The following MYZAP variants were observed in gnomAD, a reference collection of about 807,000 sequenced individuals.
MYZAP encodes the protein GRINL1A complex locus upstream.
MYZAP carries 66 observed loss-of-function variants against 69.4 expected under a neutral mutation model. The ratio of observed to expected loss-of-function variants is 0.95; its 90% CI spans 0.78 to 1.17. The LOEUF is 1.17. MYZAP is among the 50% of genes most tolerant of loss of function. The pLI is 0.00. For missense variants in MYZAP, 611 were observed against 556.2 expected (o/e 1.10, Z -0.99); for synonymous variants, 256 against 205.9 (o/e 1.24, Z -2.09).
At chr15:57,601,221 G>A (rs1413723914) in intron 1 of MYZAP, among the ~76,000 whole-genome samples, 37 of 152,132 alleles carry the variant, frequency 2.4e-4, no homozygotes, top group African/African-American at 8.9e-4. Context: ...GTAGATGTTG[G>A]AGCCTGTGTA....
intron 2 of MYZAP, among the ~76,000 whole-genome samples, chr15:57,606,064 T>C (rs982730533): frequency 1.2e-4 from 18 of 152,244 alleles, no homozygotes; most frequent in African/African-American, 4.3e-4. Flanking sequence ...ATCTTTGTTT[T>C]GTAACCTCCA....
chr15:57,595,392 A>G (rs543414273), intron 1 of MYZAP, among the ~76,000 whole-genome samples: 37 of 152,324 alleles, frequency 2.4e-4, no homozygotes, highest in African/African-American at 8.9e-4. Context: ...CCAGAAGATG[A>G]CCTTGGGGAA....
intron 10 of MYZAP, chr15:57,648,279 G>A: frequency 1.0e-6 from 1 of 985,250 alleles, no homozygotes; most frequent in Non-Finnish European, 1.2e-6. Context: ...AATATAAATT[G>A]TCTTTTCAAG....
intron 1 of MYZAP, among the ~76,000 whole-genome samples, chr15:57,597,184 C>T (rs975891018): frequency 4.6e-5 from 7 of 152,158 alleles, no homozygotes; most frequent in Admixed American, 1.3e-4. Flanking sequence ...GGGAAGTCCT[C>T]CAAATATTCG....
At position 57,621,779 on chromosome 15, in the gene MYZAP, GAT is replaced by G. The variant is rs2035836343; in HGVS notation, c.411+82_411+83del. On this transcript the variant is annotated intron_variant, in intron 4 of 12. Coordinates refer to ENST00000267853, the MANE Select transcript of MYZAP (RefSeq NM_001018100.5). ...GGTCCCTCAGTGGCTAGTGCCTAAA[GAT>G]ATTAGAGTATCTAGTGTTCTTTATC... is the stretch of plus-strand genomic sequence containing the variant. The G allele has an allele frequency of 3.8e-6, 5 of 1,315,696 alleles. No individual in the cohort carries two copies. In the East Asian group the frequency reaches 1.2e-4, roughly 31 times the overall value. 81.5% of individuals were successfully genotyped at this position (1,315,696 alleles called of 1,614,324 possible).
rs756690562 is a variant in MYZAP at position 57,639,480 on chromosome 15, C to T, written c.1054C>T (p.Arg352Trp). The stretch of plus-strand genomic sequence containing the variant: ...GGAGGCATCAGCCAGCCTCCGTGAG[C>T]GGATCAGACACCTAGATGACATGGT... ...LEEASASLRE[R>W]IRHLDDMVHC... Residue 352 changes from arginine (R) to tryptophan (W), a missense_variant, in exon 10 of 13, where the codon CGG becomes TGG. Physicochemically the swap from Arg to Trp is moderately radical, Grantham distance 101 (BLOSUM62 -3). Coordinates refer to ENST00000267853, the MANE Select transcript of MYZAP (RefSeq NM_001018100.5). 49 of 1,613,926 alleles carry T rather than the reference C, an allele frequency of 3.0e-5. 1 individual carries two copies. The highest frequency in any genetic ancestry group is 2.3e-4 in the Admixed American group (14 of 60,010).
intron 5 of MYZAP, 90 bp downstream of exon 5, chr15:57,625,982 C>T (rs1026753015): frequency 3.6e-6 from 4 of 1,116,324 alleles, no homozygotes; most frequent in South Asian, 1.3e-5. Flanking sequence ...CACAGAACAT[C>T]CTTAGCTCAT....
At position 57,626,059 on chromosome 15, in the gene MYZAP, G is replaced by T. The variant is rs140358728; in HGVS notation, c.525+167G>T. Reference sequence around the variant, plus strand: ...CCAGAAGACAGTGTAGGAAACTGAAGGAAGCATTTCCAAGCTGAGACTCTA... The same window carrying T: ...CCAGAAGACAGTGTAGGAAACTGAATGAAGCATTTCCAAGCTGAGACTCTA... On this transcript the variant is annotated intron_variant, in intron 5 of 12. Transcript: ENST00000267853. 2.2e-3 allele frequency among the ~76,000 whole-genome samples: 332 copies of T among 152,332 alleles called. 5 individuals are homozygous for T. Among genetic ancestry groups the T allele is most frequent in the Admixed American group, 0.019 (286 of 15,298 alleles).
intron 4 of MYZAP, among the ~76,000 whole-genome samples, chr15:57,623,487 T>C (rs142740967): frequency 0.015 from 2,258 of 152,088 alleles, 30 homozygotes; most frequent in South Asian, 0.045. Flanking sequence ...GATCACAGCA[T>C]TTTGGGAGGC....
At chr15:57,651,265 G>T (rs2037712322) in intron 10 of MYZAP, among the ~76,000 whole-genome samples, 1 of 152,184 alleles carries the variant, frequency 6.6e-6, no homozygotes, top group Admixed American at 6.5e-5. Context: ...ACATGAATTT[G>T]AAGCAGTTCA....
At chr15:57,661,028 C>G (rs1213832796) in intron 10 of MYZAP, among the ~76,000 whole-genome samples, 11 of 152,146 alleles carry the variant, frequency 7.2e-5, no homozygotes, top group Non-Finnish European at 1.3e-4. Flanking sequence ...GAAATGCAGG[C>G]TGCCCTGCAA....
At chr15:57,600,350 GCGC>G (rs2140323101) in intron 1 of MYZAP, among the ~76,000 whole-genome samples, 1 of 152,312 alleles carries the variant, frequency 6.6e-6, no homozygotes, top group South Asian at 2.1e-4. Context: ...GTAGCCTCAA[GCGC>G]CTGCTGCAAC....
intron 1 of MYZAP, among the ~76,000 whole-genome samples, chr15:57,598,966 C>T (rs2064018951): frequency 6.6e-6 from 1 of 152,160 alleles, no homozygotes; most frequent in South Asian, 2.1e-4. Context: ...CCCATATATT[C>T]CCACCTCCCA....
intron 2 of MYZAP, among the ~76,000 whole-genome samples, chr15:57,606,023 T>C (rs2034723588): frequency 6.6e-6 from 1 of 152,202 alleles, no homozygotes; most frequent in Non-Finnish European, 1.5e-5. Context: ...CTCCCTTTTT[T>C]TTATAGAACA....
chr15:57,666,787 C>A (rs1438978639), intron 11 of MYZAP, among the ~76,000 whole-genome samples: 1 of 152,196 alleles, frequency 6.6e-6, no homozygotes, highest in Non-Finnish European at 1.5e-5. Context: ...ATACCTTTGT[C>A]ACCAACCTGC....
At chr15:57,628,335 A>G (rs756057640) in intron 5 of MYZAP, among the ~76,000 whole-genome samples, 1 of 152,012 alleles carries the variant, frequency 6.6e-6, no homozygotes, top group Non-Finnish European at 1.5e-5. Context: ...CAGCAGTGTG[A>G]TATAGTTCAC....
intron 10 of MYZAP, among the ~76,000 whole-genome samples, chr15:57,642,985 A>T (rs1467793394): frequency 6.6e-6 from 1 of 152,134 alleles, no homozygotes; most frequent in Non-Finnish European, 1.5e-5. Context: ...TGAAATGTGG[A>T]ACCAAGTCCC....
At chr15:57,615,770 A>C (rs1158797934) in intron 2 of MYZAP, among the ~76,000 whole-genome samples, 2 of 152,152 alleles carry the variant, frequency 1.3e-5, no homozygotes, top group Non-Finnish European at 2.9e-5. Flanking sequence ...CTTAAGCACA[A>C]ATGTAAGGAT....
intron 3 of MYZAP, 99 bp downstream of exon 3, chr15:57,618,287 T>G (rs2035603689): frequency 5.3e-6 from 8 of 1,499,082 alleles, no homozygotes; most frequent in Non-Finnish European, 6.2e-6. Context: ...TAAGGCATTT[T>G]GAAAGAATTC....
Sources: gnomAD v4.1 joint callset for allele counts (sites outside exome capture counted in the v4.1 genomes callset) on GRCh38, gnomAD v4.1.1 for gene constraint, MANE v1.5 for transcripts, NCBI Gene and HGNC (gene_info 2026-07-23, HGNC 2026-07-21) for gene names.